Variants in AGXT2 observed in about 807,000 individuals in gnomAD.
AGXT2 encodes the protein alanine--glyoxylate aminotransferase 2, mitochondrial.
AGXT2 carries 61 observed loss-of-function variants against 62.5 expected under a neutral mutation model. That is an observed-to-expected ratio of 0.98 (90% CI 0.79 to 1.21). AGXT2 has a LOEUF of 1.21. Among genes scored for constraint, AGXT2 ranks in the 50% most tolerant of loss-of-function variants. The pLI is 0.00. For missense variants in AGXT2, 666 were observed against 641.5 expected, an observed-to-expected ratio of 1.04 and a Z score of -0.41; for synonymous variants, 243 against 218.7, an observed-to-expected ratio of 1.11 and a Z score of -0.98.
At chr5:35,023,165 TA>T (rs35852974) in intron 9 of AGXT2, among the ~76,000 whole-genome samples, 7 of 26,966 alleles carry the variant, frequency 2.6e-4, no homozygotes, top group East Asian at 1.7e-3. Flanking sequence ...ATGGCAGATG[TA>T]AAAAAAAAAA....
Position 35,039,457 on chromosome 5 carries a change from C to T in AGXT2, c.229G>A (p.Val77Met), listed in dbSNP as rs1360722211. The part of the protein sequence containing the change: ...LEIHKEHLSP[V>M]VTAYFQKPLL... ...GGTTTCTGGAAATATGCCGTCACCACAGGAGAAAGATGTTCCTTGTGGATT... is the reference window on the plus strand; with the variant it reads ...GGTTTCTGGAAATATGCCGTCACCATAGGAGAAAGATGTTCCTTGTGGATT... Residue 77 changes from valine to methionine, a missense_variant, in exon 3 of 14, where the codon GTG becomes ATG. Transcript: ENST00000231420. The T allele has an allele frequency of 6.2e-7, 1 of 1,614,008 alleles. No homozygotes were observed. Among genetic ancestry groups the T allele is most frequent in the Non-Finnish European group, 8.5e-7 (1 of 1,179,988 alleles).
intron 12 of AGXT2, among the ~76,000 whole-genome samples, chr5:35,009,580 G>T (rs947348821): frequency 3.0e-4 from 45 of 152,210 alleles, no homozygotes; most frequent in Non-Finnish European, 2.4e-4. Flanking sequence ...CTGGGTGACA[G>T]AGTGAGACTC....
Position 34,998,548 on chromosome 5 carries a change from G to A in AGXT2, c.*171C>T, listed in dbSNP as rs1281695779. 1.6e-6 allele frequency: 1 copy of A among 636,184 alleles called. No homozygotes were observed. The highest frequency in any genetic ancestry group is 2.8e-6 in the Non-Finnish European group (1 of 358,902). 39.4% of individuals were successfully genotyped at this position (636,184 alleles called of 1,614,324 possible). On this transcript the variant is annotated 3_prime_UTR_variant, in exon 14 of 14. Coordinates refer to ENST00000231420, the MANE Select transcript of AGXT2 (RefSeq NM_031900.4). ...GAAGAATGGAGTTCTCAAGATAAGA[G>A]GGGCTCTGCTAACAAATATGGTTGG...
At chr5:35,027,042 T>G in intron 7 of AGXT2, 1 of 985,028 alleles carries the variant, frequency 1.0e-6, no homozygotes. Context: ...GCTAGGTGGC[T>G]TCCATCCATC....
Sources: gnomAD v4.1 joint callset for allele counts (sites outside exome capture counted in the v4.1 genomes callset) on GRCh38, gnomAD v4.1.1 for gene constraint, MANE v1.5 for transcripts, NCBI Gene and HGNC (gene_info 2026-07-23, HGNC 2026-07-21) for gene names.